Variants in PRKAR2A observed in about 807,000 individuals in gnomAD.
PRKAR2A encodes the protein protein kinase cAMP-dependent type II regulatory subunit alpha.
A neutral mutation model predicts 51.9 loss-of-function variants in PRKAR2A; 29 were observed. That is an observed-to-expected ratio of 0.56 (90% confidence interval 0.42 to 0.76). PRKAR2A has a LOEUF of 0.76. Among genes scored for constraint, PRKAR2A ranks in the 30% least tolerant of loss-of-function variants. The pLI, the probability that PRKAR2A is intolerant of heterozygous loss-of-function variation, is 0.00. For missense variants in PRKAR2A, 445 were observed against 512.1 expected (o/e 0.87, Z 1.26); for synonymous variants, 178 against 186.2 (o/e 0.96, Z 0.36).
At position 48,751,789 on chromosome 3, in the gene PRKAR2A, A is replaced by G; in HGVS notation, c.1082-71T>C. On this transcript the variant is annotated intron_variant, in intron 10 of 10. Coordinates refer to ENST00000265563, the MANE Select transcript of PRKAR2A (RefSeq NM_004157.4). The stretch of plus-strand genomic sequence containing the variant: ...TTCCCTCATGCAAACCTTTTCCTAA[A>G]CATACCCATTCATGTTGTATGAGAT... The G allele has an allele frequency of 3.3e-6, 5 of 1,537,372 alleles. No homozygotes were observed. The South Asian group carries it at 6.0e-5, about 19-fold the overall frequency.
intron 10 of PRKAR2A, 150 bp from the exon 11 acceptor site, chr3:48,751,868 G>A: frequency 1.0e-6 from 1 of 984,022 alleles, no homozygotes; most frequent in Non-Finnish European, 1.5e-6. Context: ...TATGAATTCA[G>A]AAGACTGTCA....
chr3:48,839,603 T>C (rs1409884910), intron 1 of PRKAR2A, among the ~76,000 whole-genome samples: 1 of 152,190 alleles, frequency 6.6e-6, no homozygotes, highest in Non-Finnish European at 1.5e-5. Context: ...CTGTTTGATA[T>C]TAAAGCTGTT....
chr3:48,828,488 CAGG>C (rs1392848888), intron 1 of PRKAR2A, among the ~76,000 whole-genome samples: 6 of 151,826 alleles, frequency 4.0e-5, no homozygotes, highest in Non-Finnish European at 8.8e-5. Flanking sequence ...GAGGCTGAGG[CAGG>C]AGAATTGCTT....
chr3:48,788,298 G>C (rs1029466176), intron 4 of PRKAR2A, among the ~76,000 whole-genome samples: 9 of 152,010 alleles, frequency 5.9e-5, no homozygotes, highest in Admixed American at 5.9e-4. Flanking sequence ...CAAAGTGCTG[G>C]AATTACAGGT....
rs1051075793 is a variant in PRKAR2A, at chr3:48,807,048, G to C, written c.298+601C>G. ...GACCTCCCAAAGTACTGGGATTATG[G>C]GTGTGAGCCACCGCGCCTGGACAGC... On this transcript the variant is annotated intron_variant, in intron 2 of 10. Transcript: ENST00000265563. Among the ~76,000 whole-genome samples, 46 of 152,134 alleles carry C rather than the reference G, an allele frequency of 3.0e-4. 1 individual carries two copies. Among genetic ancestry groups the C allele is most frequent in the Admixed American group, 2.9e-3 (45 of 15,262 alleles).
chr3:48,761,644 C>T lies in PRKAR2A; in HGVS notation c.873+3360G>A, dbSNP rs539757234. 7.6e-4 allele frequency among the ~76,000 whole-genome samples: 116 copies of T among 152,236 alleles called. 3 individuals are homozygous for T. The South Asian group carries it at 0.023, about 30-fold the overall frequency. ...TTATTTTTTTTGAGACCAAGTCTTGCTCTGTCCCCCAGGCTAGAATGCAAG... is the reference window on the plus strand; with the variant it reads ...TTATTTTTTTTGAGACCAAGTCTTGTTCTGTCCCCCAGGCTAGAATGCAAG... On this transcript the variant is annotated intron_variant, in intron 8 of 10. Coordinates refer to ENST00000265563, the MANE Select transcript of PRKAR2A (RefSeq NM_004157.4).
At chr3:48,821,256 G>C (rs1320871764) in intron 1 of PRKAR2A, among the ~76,000 whole-genome samples, 1 of 152,124 alleles carries the variant, frequency 6.6e-6, no homozygotes, top group Non-Finnish European at 1.5e-5. Context: ...TCAACTCTAG[G>C]AACACCAGCT....
At chr3:48,799,163 G>C (rs2082545328) in intron 2 of PRKAR2A, among the ~76,000 whole-genome samples, 1 of 152,176 alleles carries the variant, frequency 6.6e-6, no homozygotes, top group Non-Finnish European at 1.5e-5. Context: ...AAGTTACCTG[G>C]AGAAGGTCCA....
chr3:48,845,522 TTTCA>T (rs1203545762), intron 1 of PRKAR2A, among the ~76,000 whole-genome samples: 2 of 152,164 alleles, frequency 1.3e-5, no homozygotes, highest in African/African-American at 4.8e-5. Context: ...TCTCAAATGG[TTTCA>T]TTGTTTTGTT....
chr3:48,832,777 T>C (rs2083211319), intron 1 of PRKAR2A, among the ~76,000 whole-genome samples: 1 of 152,164 alleles, frequency 6.6e-6, no homozygotes, highest in Non-Finnish European at 1.5e-5. Context: ...ATATCCCCTA[T>C]TATTTTCCTA....
intron 1 of PRKAR2A, among the ~76,000 whole-genome samples, chr3:48,833,685 G>C (rs1200081707): frequency 1.3e-4 from 19 of 149,648 alleles, no homozygotes; most frequent in Non-Finnish European, 5.9e-5. Context: ...ACTTCAGCCT[G>C]GGCGACAAGA....
At chr3:48,829,320 G>C (rs2083127444) in intron 1 of PRKAR2A, among the ~76,000 whole-genome samples, 1 of 150,732 alleles carries the variant, frequency 6.6e-6, no homozygotes, top group African/African-American at 2.4e-5. Context: ...GGAGTTCGAG[G>C]CCAGCCTGGC....
chr3:48,823,982 T>C (rs2083014874), intron 1 of PRKAR2A, among the ~76,000 whole-genome samples: 1 of 152,148 alleles, frequency 6.6e-6, no homozygotes, highest in Non-Finnish European at 1.5e-5. Flanking sequence ...ATCCCAGCAC[T>C]GTAATCCCAG....
chr3:48,840,952 G>A (rs957388873), intron 1 of PRKAR2A, among the ~76,000 whole-genome samples: 9 of 136,202 alleles, frequency 6.6e-5, no homozygotes, highest in South Asian at 2.4e-4. Flanking sequence ...CGTGATCTCC[G>A]CTCACTGAAA....
intron 1 of PRKAR2A, among the ~76,000 whole-genome samples, chr3:48,846,935 C>CA (rs1179398552): frequency 3.9e-5 from 6 of 152,062 alleles, no homozygotes; most frequent in African/African-American, 7.2e-5. Context: ...AGTAACTTTT[C>CA]AAAAAAAATT....
In PRKAR2A at chr3:48,749,451, C is replaced by G. The variant is rs976206537; in HGVS notation, c.*2134G>C. The G allele has an allele frequency of 6.6e-6, 1 of 151,662 alleles. No individual in the cohort carries two copies. Among genetic ancestry groups the G allele is most frequent in the Admixed American group, 6.6e-5 (1 of 15,188 alleles). The allele number at this position is 151,662 out of a possible 1,614,324, so 9.4% of individuals were successfully genotyped here. A position where few individuals can be genotyped will look rare whatever the true frequency, so the allele number is the denominator to read the frequency against. Reference sequence around the variant, plus strand: ...AACATCTCAACTAGAAAGGCCTTCACAGTAATTCTATGAAATTGTAAATGA... The same window carrying G: ...AACATCTCAACTAGAAAGGCCTTCAGAGTAATTCTATGAAATTGTAAATGA... On this transcript the variant is annotated 3_prime_UTR_variant, in exon 11 of 11. Coordinates refer to ENST00000265563, the MANE Select transcript of PRKAR2A (RefSeq NM_004157.4).
At chr3:48,799,612 T>G (rs189583244) in intron 2 of PRKAR2A, among the ~76,000 whole-genome samples, 1 of 152,212 alleles carries the variant, frequency 6.6e-6, no homozygotes, top group Non-Finnish European at 1.5e-5. Flanking sequence ...TATTATATAG[T>G]AAGCACATAA....
At chr3:48,807,303 T>C (rs2082688450) in intron 2 of PRKAR2A, among the ~76,000 whole-genome samples, 1 of 151,992 alleles carries the variant, frequency 6.6e-6, no homozygotes, top group Non-Finnish European at 1.5e-5. Context: ...ACTGAGGAAA[T>C]AATTCAAGTG....
At chr3:48,768,027 C>T (rs1241865255) in intron 6 of PRKAR2A, among the ~76,000 whole-genome samples, 7 of 151,888 alleles carry the variant, frequency 4.6e-5, no homozygotes, top group African/African-American at 7.3e-5. Context: ...TGGCTCACGA[C>T]TGTATTCCCA....
Sources: allele counts gnomAD v4.1 joint callset (sites outside exome capture counted in the v4.1 genomes callset), GRCh38; gene constraint gnomAD v4.1.1; transcripts MANE v1.5; gene names NCBI Gene and HGNC (gene_info 2026-07-23, HGNC 2026-07-21).